Variants in TMEM130 observed in about 807,000 individuals in gnomAD.
The protein encoded by TMEM130 is transmembrane protein 130.
A neutral mutation model predicts 42.9 loss-of-function variants in TMEM130; 37 were observed. The observed-to-expected ratio is 0.86, with a 90% CI of 0.66 to 1.13. The LOEUF (loss-of-function observed/expected upper bound fraction) is 1.13, where lower values mean the gene tolerates loss of function less well. Among genes scored for constraint, TMEM130 ranks in the 50% most tolerant of loss-of-function variants. The probability of loss-of-function intolerance (pLI) is 0.00; values close to 1 mark genes in which losing one functional copy is unlikely to be tolerated. For synonymous variants in TMEM130, 259 were observed against 237.7 expected (o/e 1.09, Z -0.82); for missense variants, 545 against 562.6 (o/e 0.97, Z 0.32).
rs540695762 is a variant in TMEM130 at position 98,869,409 on chromosome 7, C to T, written c.85+368G>A. 2,197 of 1,200,446 alleles carry T rather than the reference C, an allele frequency of 1.8e-3. 3 individuals are homozygous for T. Among genetic ancestry groups the T allele is most frequent in the Admixed American group, 2.2e-3 (56 of 25,130 alleles). The allele number at this position is 1,200,446 out of a possible 1,614,324, so 74.4% of individuals were successfully genotyped here. A position where few individuals can be genotyped will look rare whatever the true frequency, so the allele number is the denominator to read the frequency against. On this transcript the variant is annotated intron_variant, in intron 1 of 7. Coordinates refer to ENST00000339375, the MANE Select transcript of TMEM130 (RefSeq NM_152913.3). The surrounding 1 kb of genome is among the most constrained non-coding windows in gnomAD (Gnocchi z 4.7). ...GGACTGGGGAATTGTGGCGCGATGA[C>T]GGACCCTGGCGCATCCCCGCCTCCC...
intron 6 of TMEM130, among the ~76,000 whole-genome samples, chr7:98,850,720 A>G (rs1236889113): frequency 6.6e-6 from 1 of 151,952 alleles, no homozygotes; most frequent in Non-Finnish European, 1.5e-5. Flanking sequence ...CTTATTAACA[A>G]TATGCAATGC....
At chr7:98,848,333 G>A (rs1794410121) in intron 7 of TMEM130, 125 bp from the exon 8 acceptor site, 2 of 1,178,818 alleles carry the variant, frequency 1.7e-6, no homozygotes, top group African/African-American at 1.5e-5. Context: ...TGGTGGCAGA[G>A]TGCACAGAAA....
chr7:98,854,092 C>T (rs1175527596), intron 5 of TMEM130, among the ~76,000 whole-genome samples: 1 of 144,634 alleles, frequency 6.9e-6, no homozygotes, highest in Non-Finnish European at 1.5e-5. Flanking sequence ...GGCTGGAGTG[C>T]AATGGCGGGA....
chr7:98,857,276 G>T (rs1794654546), intron 3 of TMEM130, among the ~76,000 whole-genome samples: 1 of 152,146 alleles, frequency 6.6e-6, no homozygotes, highest in Non-Finnish European at 1.5e-5. Flanking sequence ...TAATATCGAT[G>T]GACCCTGATA....
In TMEM130 at chr7:98,863,087, A is replaced by C. The variant is rs1218247608; in HGVS notation, c.391+8T>G. On this transcript the variant is annotated splice_region_variant and intron_variant, in intron 2 of 7. Coordinates refer to ENST00000339375, the MANE Select transcript of TMEM130 (RefSeq NM_152913.3). The stretch of plus-strand genomic sequence containing the variant: ...GAAGGCAAACTAGCAAATGGGAGCG[A>C]CCCTCACCTGTGATGGGGAGGACCA... 6.2e-7 allele frequency: 1 copy of C among 1,607,958 alleles called. No homozygotes were observed. The highest frequency in any genetic ancestry group is 8.5e-7 in the Non-Finnish European group (1 of 1,177,172).
chr7:98,854,846 G>A (rs1235631193), intron 5 of TMEM130, among the ~76,000 whole-genome samples: 2 of 152,048 alleles, frequency 1.3e-5, no homozygotes, highest in Non-Finnish European at 1.5e-5. Flanking sequence ...GACCAGCCTG[G>A]GCAACATGGT....
chr7:98,857,333 A>G (rs11769685), intron 3 of TMEM130, among the ~76,000 whole-genome samples: 136,547 of 152,174 alleles, frequency 0.9, 61,270 homozygotes, highest in South Asian at 0.94. Context: ...GGTTCCCCCA[A>G]CATCTCAATG....
rs1468066585 is a variant in TMEM130, at chr7:98,855,239, C to A, written c.803+1G>T. The A allele has an allele frequency of 2.0e-5, 33 of 1,612,656 alleles. No individual in the cohort carries two copies. The highest frequency in any genetic ancestry group is 2.7e-5 in the Non-Finnish European group (32 of 1,179,258). Reference sequence around the variant, plus strand: ...CCCAGTGCGCTCTGGAGCTCACTTACCTCCCCAGGAAGTTCAAGGTCACGG... The same window carrying A: ...CCCAGTGCGCTCTGGAGCTCACTTAACTCCCCAGGAAGTTCAAGGTCACGG... On this transcript the variant is annotated splice_donor_variant, in intron 5 of 7. Coordinates refer to ENST00000339375, the MANE Select transcript of TMEM130 (RefSeq NM_152913.3). LOFTEE classifies it high-confidence loss of function.
At position 98,851,475 on chromosome 7, in the gene TMEM130, C is replaced by A. The variant is rs369734825; in HGVS notation, c.952G>T (p.Glu318Ter). The A allele has an allele frequency of 1.9e-6, 3 of 1,614,066 alleles. No homozygotes were observed. In the South Asian group the frequency reaches 3.3e-5, roughly 18 times the overall value. ...PGDYCFSIRA[E>*]NIISKTHQYH... ...TGATGTGTCTTGCTGATGATATTCTCGGCCCGGATGCTGAAGCAGTAGTCC... is the reference window on the plus strand; with the variant it reads ...TGATGTGTCTTGCTGATGATATTCTAGGCCCGGATGCTGAAGCAGTAGTCC... Residue 318 changes from glutamate (E) to a stop codon, truncating the protein, a stop_gained, in exon 6 of 8, where the codon GAG (glutamate) becomes TAG (stop). Coordinates refer to ENST00000339375, the MANE Select transcript of TMEM130 (RefSeq NM_152913.3). LOFTEE classifies it high-confidence loss of function.
intron 6 of TMEM130, among the ~76,000 whole-genome samples, chr7:98,850,660 C>T (rs1057345133): frequency 1.4e-4 from 21 of 152,148 alleles, no homozygotes; most frequent in South Asian, 4.1e-4. Context: ...TCAGTCCACC[C>T]GCCTCAGCCT....
chr7:98,862,589 C>T (rs1193345162), intron 2 of TMEM130, among the ~76,000 whole-genome samples: 1 of 143,956 alleles, frequency 6.9e-6, no homozygotes, highest in South Asian at 2.2e-4. Context: ...ACCTCTGCCC[C>T]CCAGGTTCAA....
chr7:98,864,821 A>G lies in TMEM130; in HGVS notation c.86-1421T>C, dbSNP rs982643920. Among the ~76,000 whole-genome samples the G allele has an allele frequency of 1.6e-4, 25 of 152,208 alleles. No individual in the cohort carries two copies. In the South Asian group the frequency reaches 5.2e-3, roughly 32 times the overall value. On this transcript the variant is annotated intron_variant, in intron 1 of 7. Transcript: ENST00000339375. ...AGGCTGAGGCAGGGGAATCGCTGGA[A>G]CCCAAGAGGCAGAGATTGCAATGAG...
At chr7:98,850,272 TA>T (rs1206283083) in intron 6 of TMEM130, among the ~76,000 whole-genome samples, 1,333 of 43,134 alleles carry the variant, frequency 0.031, 38 homozygotes, top group African/African-American at 0.081. Flanking sequence ...TATATATATA[TA>T]TTTTTTTTTT....
intron 1 of TMEM130, among the ~76,000 whole-genome samples, chr7:98,865,204 A>G (rs1409987946): frequency 1.3e-5 from 2 of 150,696 alleles, no homozygotes; most frequent in Non-Finnish European, 2.9e-5. Context: ...CCCAGGTGGC[A>G]CTGACTGAGT....
intron 1 of TMEM130, among the ~76,000 whole-genome samples, chr7:98,865,553 A>G (rs1291684265): frequency 6.6e-6 from 1 of 152,166 alleles, no homozygotes; most frequent in Non-Finnish European, 1.5e-5. Flanking sequence ...GGTTGCAGTG[A>G]GCCAAGATTG....
chr7:98,853,713 T>A (rs1794564569), intron 5 of TMEM130, among the ~76,000 whole-genome samples: 1 of 152,232 alleles, frequency 6.6e-6, no homozygotes, highest in Admixed American at 6.5e-5. Flanking sequence ...GGGAGGGGCA[T>A]CCTCATGGAC....
At position 98,869,960 on chromosome 7, in the gene TMEM130, G is replaced by T; in HGVS notation, c.-99C>A. The T allele has an allele frequency of 2.3e-6, 2 of 883,584 alleles. No homozygotes were observed. The highest frequency in any genetic ancestry group is 3.0e-6 in the Non-Finnish European group (2 of 665,682). The allele number at this position is 883,584 out of a possible 1,614,324, so 54.7% of individuals were successfully genotyped here. A position where few individuals can be genotyped will look rare whatever the true frequency, so the allele number is the denominator to read the frequency against. On this transcript the variant is annotated 5_prime_UTR_variant, in exon 1 of 8. Transcript: ENST00000339375. This position sits in a 1 kb window ranked among gnomAD's most constrained non-coding sequence, Gnocchi z 4.7. The stretch of plus-strand genomic sequence containing the variant: ...TCGCTCCTCCGGGCGCGCAGCGCGG[G>T]CGGTGCGGGGAGGTGCGGGCGCCGT...
intron 2 of TMEM130, among the ~76,000 whole-genome samples, chr7:98,862,389 G>T (rs1794796778): frequency 6.6e-6 from 1 of 150,414 alleles, no homozygotes; most frequent in Non-Finnish European, 1.5e-5. Context: ...GACAGACAGA[G>T]ATAGAACAGA....
At chr7:98,857,488 C>T (rs1448523382) in intron 3 of TMEM130, among the ~76,000 whole-genome samples, 2 of 152,012 alleles carry the variant, frequency 1.3e-5, no homozygotes, top group Non-Finnish European at 2.9e-5. Flanking sequence ...CTGCTTGAGC[C>T]CAGAAGTTCG....
Sources: gnomAD v4.1 joint callset for allele counts (sites outside exome capture counted in the v4.1 genomes callset) on GRCh38, gnomAD v4.1.1 for gene constraint, Gnocchi (gnomAD v3.1) non-coding constraint, MANE v1.5 for transcripts, NCBI Gene and HGNC (gene_info 2026-07-23, HGNC 2026-07-21) for gene names.